PCDHA1: variants seen among roughly 807,000 people sequenced by gnomAD.
PCDHA1 encodes protocadherin alpha 1, also known as protocadherin alpha-1.
In PCDHA1, 42 loss-of-function variants were observed where a neutral mutation model predicts 61.3. The observed-to-expected ratio is 0.69, with a 90% CI of 0.54 to 0.89. PCDHA1 has a LOEUF of 0.89. PCDHA1 is among the 40% of genes least tolerant of loss of function. The pLI, the probability that PCDHA1 is intolerant of heterozygous loss-of-function variation, is 0.00. For synonymous variants in PCDHA1, 610 were observed against 553.8 expected, an observed-to-expected ratio of 1.10 and a Z score of -1.43; for missense variants, 1,256 against 1,235.3, an observed-to-expected ratio of 1.02 and a Z score of -0.25.
chr5:140,967,282 G>T, intron 1 of PCDHA1: 1 of 1,613,078 alleles, frequency 6.2e-7, no homozygotes. Flanking sequence ...TAGAGAGTGC[G>T]CAGGACCCCG....
In PCDHA1 at chr5:140,917,987, A is replaced by G. The variant is rs140618239; in HGVS notation, c.2395-60962A>G. 3.9e-3 allele frequency among the ~76,000 whole-genome samples: 598 copies of G among 152,198 alleles called. 2 individuals are homozygous for G. The highest frequency in any genetic ancestry group is 5.9e-3 in the Admixed American group (90 of 15,276). ...GAATCTGTGAATTGCTTTGGACAGT[A>G]TGGTTATCTTAACAATGTTGTTTCT... On this transcript the variant is annotated intron_variant, in intron 1 of 3. Coordinates refer to ENST00000504120, the MANE Select transcript of PCDHA1 (RefSeq NM_018900.4).
chr5:140,833,154 TA>T (rs1772333150), intron 1 of PCDHA1, among the ~76,000 whole-genome samples: 1 of 152,084 alleles, frequency 6.6e-6, no homozygotes, highest in Admixed American at 6.6e-5. Context: ...GCAATACGAA[TA>T]AAAAGTATTA....
chr5:140,927,131 C>T (rs782433395), intron 1 of PCDHA1: 1 of 1,614,078 alleles, frequency 6.2e-7, no homozygotes, highest in Non-Finnish European at 8.5e-7. Context: ...GTCAGAGAGC[C>T]GGCGGACCGC....
chr5:140,875,553 G>A (rs1447542979), intron 1 of PCDHA1: 4 of 1,614,000 alleles, frequency 2.5e-6, no homozygotes, highest in African/African-American at 2.7e-5. Flanking sequence ...GGGAGGTGGG[G>A]AGCGGCCAGC....
chr5:140,988,097 C>T (rs2097282934), intron 3 of PCDHA1, among the ~76,000 whole-genome samples: 1 of 152,084 alleles, frequency 6.6e-6, no homozygotes, highest in Admixed American at 6.5e-5. Flanking sequence ...AGCCTCGGGC[C>T]TTGTTGGAGA....
At chr5:140,865,843 A>G (rs539804831) in intron 1 of PCDHA1, 2 of 152,278 alleles carry the variant, frequency 1.3e-5, no homozygotes, top group South Asian at 4.1e-4. Context: ...TTAGTAAGTC[A>G]TTTCTCTGCT....
At chr5:140,887,692 A>G (rs886236141) in intron 1 of PCDHA1, among the ~76,000 whole-genome samples, 1 of 152,126 alleles carries the variant, frequency 6.6e-6, no homozygotes, top group Non-Finnish European at 1.5e-5. Flanking sequence ...ATTCAGGAAA[A>G]AATCAACCAT....
intron 1 of PCDHA1, chr5:140,858,817 G>T: frequency 2.9e-6 from 1 of 345,470 alleles, no homozygotes; most frequent in African/African-American, 2.2e-5. Flanking sequence ...TGATTTGATT[G>T]TATTTGCATT....
At chr5:140,863,166 G>T (rs782088342) in intron 1 of PCDHA1, 4 of 672,474 alleles carry the variant, frequency 5.9e-6, no homozygotes, top group African/African-American at 5.4e-5. Flanking sequence ...GCGAGCTGGC[G>T]CTGACTGCCA....
At chr5:140,987,938 C>G (rs2153869339) in intron 3 of PCDHA1, among the ~76,000 whole-genome samples, 1 of 152,208 alleles carries the variant, frequency 6.6e-6, no homozygotes, top group East Asian at 1.9e-4. Context: ...AGGATTCTTA[C>G]CTGTCTGACA....
At chr5:140,850,964 C>G (rs1554145138) in intron 1 of PCDHA1, 1 of 1,468,876 alleles carries the variant, frequency 6.8e-7, no homozygotes, top group African/African-American at 1.4e-5. Flanking sequence ...TCCCAGGGGC[C>G]GTTCAAATAG....
chr5:140,989,686 C>T (rs534780216), intron 3 of PCDHA1, among the ~76,000 whole-genome samples: 2 of 152,254 alleles, frequency 1.3e-5, no homozygotes, highest in African/African-American at 4.8e-5. Flanking sequence ...TTCAAAGGAA[C>T]GTGAAAATTT....
At chr5:140,801,385 T>A (rs782680310) in intron 1 of PCDHA1, 1 of 1,613,576 alleles carries the variant, frequency 6.2e-7, no homozygotes, top group Non-Finnish European at 8.5e-7. Flanking sequence ...GTGCCGCGCC[T>A]GTTCCGGGTG....
chr5:140,914,758 C>T (rs1435498037), intron 1 of PCDHA1, among the ~76,000 whole-genome samples: 3 of 151,912 alleles, frequency 2.0e-5, no homozygotes, highest in Non-Finnish European at 4.4e-5. Context: ...TTTGAGGTTA[C>T]ATGAGGTTTA....
intron 1 of PCDHA1, chr5:140,841,056 A>T: frequency 2.2e-6 from 1 of 445,048 alleles, no homozygotes; most frequent in Non-Finnish European, 3.9e-6. Context: ...TTACTATTAA[A>T]TTATGATAAA....
At chr5:140,897,782 T>G (rs1378743158) in intron 1 of PCDHA1, among the ~76,000 whole-genome samples, 6 of 152,182 alleles carry the variant, frequency 3.9e-5, no homozygotes, top group Admixed American at 3.9e-4. Flanking sequence ...CCACAATGGT[T>G]GAACTAGTTT....
Position 140,795,099 on chromosome 5 carries a change from G to T in PCDHA1, c.2394+6415G>T, listed in dbSNP as rs782271998. 1.1e-5 allele frequency: 17 copies of T among 1,614,020 alleles called. No homozygotes were observed. The Middle Eastern group carries it at 6.6e-4, about 63-fold the overall frequency. On this transcript the variant is annotated intron_variant, in intron 1 of 3. Coordinates refer to ENST00000504120, the MANE Select transcript of PCDHA1 (RefSeq NM_018900.4). The stretch of plus-strand genomic sequence containing the variant: ...AGGAGGCCAAACACGGCACCTTCGT[G>T]GGCCGCATCGCGCAGGACCTGGGGC...
Position 140,941,319 on chromosome 5 carries a change from C to CT in PCDHA1, c.2395-37615dup, listed in dbSNP as rs70988781. On this transcript the variant is annotated intron_variant, in intron 1 of 3. Transcript: ENST00000504120. Reference sequence around the variant, plus strand: ...TTCTTTCTTTCTTTTTCTTCTTTCTCTTTTTTTTTTTTTTTCAGATGGAGT... The same window carrying CT: ...TTCTTTCTTTCTTTTTCTTCTTTCTCTTTTTTTTTTTTTTTTCAGATGGAGT... Among the ~76,000 whole-genome samples the CT allele has an allele frequency of 1.3e-3, 140 of 104,384 alleles. 3 individuals are homozygous for CT. The highest frequency in any genetic ancestry group is 2.9e-3 in the South Asian group (9 of 3,126). The allele number at this position is 104,384 out of a possible 152,430, so 68.5% of individuals were successfully genotyped here.
chr5:140,884,468 C>G, intron 1 of PCDHA1: 4 of 1,613,762 alleles, frequency 2.5e-6, no homozygotes, highest in Non-Finnish European at 3.4e-6. Context: ...CGCGTGCGCG[C>G]CGGGCAAGCC....
Sources: allele counts gnomAD v4.1 joint callset (sites outside exome capture counted in the v4.1 genomes callset), GRCh38; gene constraint gnomAD v4.1.1; transcripts MANE v1.5; gene names NCBI Gene and HGNC (gene_info 2026-07-23, HGNC 2026-07-21).